The following NMBR variants were observed in gnomAD, a reference collection of about 807,000 sequenced individuals.
The protein encoded by NMBR is neuromedin-B receptor.
Under a neutral mutation model 20.5 loss-of-function variants are expected in NMBR, and 16 were observed. That is an observed-to-expected ratio of 0.78 (90% CI 0.53 to 1.19). The LOEUF (loss-of-function observed/expected upper bound fraction) is 1.19, where lower values mean the gene tolerates loss of function less well. Among genes scored for constraint, NMBR ranks in the 50% most tolerant of loss-of-function variants. The pLI is 0.00. For synonymous variants in NMBR, 212 were observed against 196.6 expected, an observed-to-expected ratio of 1.08 and a Z score of -0.65; for missense variants, 582 against 499.1, an observed-to-expected ratio of 1.17 and a Z score of -1.58.
At chr6:142,111,166 G>T (rs1777756465) in intron 1 of NMBR, among the ~76,000 whole-genome samples, 2 of 151,864 alleles carry the variant, frequency 1.3e-5, no homozygotes, top group South Asian at 4.2e-4. Context: ...CTTGAACCTG[G>T]GAGGCAGAGG....
At chr6:142,090,496 T>A (rs2114568942) in intron 1 of NMBR, among the ~76,000 whole-genome samples, 1 of 151,660 alleles carries the variant, frequency 6.6e-6, no homozygotes, top group Non-Finnish European at 1.5e-5. Context: ...TCTTCTGGAA[T>A]TTCACTACTT....
chr6:142,127,972 G>A (rs1310319864), intron 1 of NMBR, among the ~76,000 whole-genome samples: 1 of 151,954 alleles, frequency 6.6e-6, no homozygotes, highest in Non-Finnish European at 1.5e-5. Context: ...TGATTTAAAT[G>A]TTGATATGGT....
chr6:142,145,818 T>C (rs1778422585), intron 1 of NMBR, among the ~76,000 whole-genome samples: 1 of 152,208 alleles, frequency 6.6e-6, no homozygotes, highest in Non-Finnish European at 1.5e-5. Flanking sequence ...GAGGACCTTT[T>C]AAAGATACTG....
At chr6:142,109,625 G>A (rs1024685346) in intron 1 of NMBR, among the ~76,000 whole-genome samples, 18 of 151,926 alleles carry the variant, frequency 1.2e-4, no homozygotes, top group Non-Finnish European at 1.5e-5. Context: ...TCATGGAAAT[G>A]CAAATCAAAC....
chr6:142,092,087 T>G (rs1431742873), intron 1 of NMBR, among the ~76,000 whole-genome samples: 3 of 152,158 alleles, frequency 2.0e-5, no homozygotes, highest in Non-Finnish European at 4.4e-5. Context: ...CTATTATCAT[T>G]GTTATTTAAC....
At chr6:142,144,029 C>A (rs1778394046) in intron 1 of NMBR, among the ~76,000 whole-genome samples, 1 of 152,184 alleles carries the variant, frequency 6.6e-6, no homozygotes, top group Non-Finnish European at 1.5e-5. Context: ...TGTGCCGGAA[C>A]AATTAAATAT....
intron 2 of NMBR, 70 bp from the exon 3 acceptor site, chr6:142,078,973 A>G: frequency 9.0e-7 from 1 of 1,114,434 alleles, no homozygotes; most frequent in East Asian, 2.6e-5. Context: ...AAAGAAAGAA[A>G]GAAAAAGAAA....
chr6:142,119,649 A>G (rs1395437971), intron 1 of NMBR, among the ~76,000 whole-genome samples: 3 of 151,976 alleles, frequency 2.0e-5, no homozygotes, highest in African/African-American at 7.2e-5. Context: ...AATTTATCTC[A>G]TTTAATCTTA....
chr6:142,086,937 C>T (rs1216908411), intron 2 of NMBR, among the ~76,000 whole-genome samples: 1 of 151,974 alleles, frequency 6.6e-6, no homozygotes, highest in African/African-American at 2.4e-5. Context: ...TTTAAACTTT[C>T]TAGGTAAAAT....
intron 1 of NMBR, among the ~76,000 whole-genome samples, chr6:142,128,639 T>A (rs760917079): frequency 6.6e-6 from 1 of 152,144 alleles, no homozygotes; most frequent in Non-Finnish European, 1.5e-5. Context: ...GTGGTTTTTG[T>A]CTTTCATTTT....
intron 1 of NMBR, among the ~76,000 whole-genome samples, chr6:142,096,889 G>A: frequency 1.3e-5 from 2 of 151,316 alleles, no homozygotes; most frequent in Non-Finnish European, 3.0e-5. Context: ...AGGATAGTTA[G>A]CTCTTGTTGT....
At chr6:142,094,601 T>C (rs949796542) in intron 1 of NMBR, among the ~76,000 whole-genome samples, 8 of 152,336 alleles carry the variant, frequency 5.3e-5, no homozygotes, top group African/African-American at 1.9e-4. Context: ...TGCAGCTTTG[T>C]TCTTTTGGCT....
chr6:142,120,510 GCT>G (rs1429257673), intron 1 of NMBR, among the ~76,000 whole-genome samples: 1 of 151,882 alleles, frequency 6.6e-6, no homozygotes, highest in Non-Finnish European at 1.5e-5. Context: ...TCTACTTGAG[GCT>G]CTGAGTATTG....
chr6:142,094,628 A>G (rs1490824000), intron 1 of NMBR, among the ~76,000 whole-genome samples: 1 of 152,178 alleles, frequency 6.6e-6, no homozygotes, highest in East Asian at 1.9e-4. Flanking sequence ...TGACTTGGCT[A>G]TGCGGGCTCT....
chr6:142,120,844 T>A (rs1315513094), intron 1 of NMBR, among the ~76,000 whole-genome samples: 2 of 151,900 alleles, frequency 1.3e-5, no homozygotes, highest in Non-Finnish European at 2.9e-5. Flanking sequence ...AAAATAAAAT[T>A]TACAACATCA....
chr6:142,120,816 T>C (rs942206627), intron 1 of NMBR, among the ~76,000 whole-genome samples: 1 of 151,980 alleles, frequency 6.6e-6, no homozygotes, highest in African/African-American at 2.4e-5. Context: ...TAACATTATT[T>C]AAAATTCAGC....
At chr6:142,135,859 T>C (rs1456057693) in intron 1 of NMBR, among the ~76,000 whole-genome samples, 2 of 151,544 alleles carry the variant, frequency 1.3e-5, no homozygotes. Flanking sequence ...TATTCCATGG[T>C]GTATATGTGC....
At chr6:142,130,955 A>C (rs1053665520) in intron 1 of NMBR, among the ~76,000 whole-genome samples, 10 of 152,154 alleles carry the variant, frequency 6.6e-5, no homozygotes, top group Non-Finnish European at 1.5e-4. Context: ...GACAACAGGC[A>C]ATATTTTTCC....
At chr6:142,104,536 T>C (rs1777626009) in intron 1 of NMBR, among the ~76,000 whole-genome samples, 4 of 152,162 alleles carry the variant, frequency 2.6e-5, no homozygotes, top group Admixed American at 2.6e-4. Context: ...TATTTCAAAG[T>C]ATTAAAACAC....
Sources: allele counts gnomAD v4.1 joint callset (sites outside exome capture counted in the v4.1 genomes callset), GRCh38; gene constraint gnomAD v4.1.1; transcripts MANE v1.5; gene names NCBI Gene and HGNC (gene_info 2026-07-23, HGNC 2026-07-21).